The following MPZL1 variants were observed in gnomAD, a reference collection of about 807,000 sequenced individuals.
The protein encoded by MPZL1 is myelin protein zero-like protein 1.
A neutral mutation model predicts 29.3 loss-of-function variants in MPZL1; 16 were observed. The observed-to-expected ratio is 0.55, with a 90% confidence interval of 0.37 to 0.83. The LOEUF is 0.83. Ranked by LOEUF, MPZL1 falls within the 40% of genes least tolerant of loss-of-function variation. The pLI is 0.00. For synonymous variants in MPZL1, 143 were observed against 132.0 expected, an observed-to-expected ratio of 1.08 and a Z score of -0.57; for missense variants, 279 against 332.9, an observed-to-expected ratio of 0.84 and a Z score of 1.26.
Position 167,728,898 on chromosome 1 carries a change from A to G in MPZL1, c.91+6656A>G, listed in dbSNP as rs560968771. ...CTGAACAGACCTTGATGAACTTGCA[A>G]TGAACATTTTTTCATACTGGGACCC... On this transcript the variant is annotated intron_variant, in intron 1 of 5. Transcript: ENST00000359523. Among the ~76,000 whole-genome samples, 4 of 152,246 alleles carry G rather than the reference A, an allele frequency of 2.6e-5. 1 individual carries two copies. Among genetic ancestry groups the G allele is most frequent in the Admixed American group, 6.5e-5 (1 of 15,282 alleles).
At chr1:167,758,007 A>G (rs1158319904) in intron 1 of MPZL1, among the ~76,000 whole-genome samples, 1 of 152,078 alleles carries the variant, frequency 6.6e-6, no homozygotes, top group African/African-American at 2.4e-5. Context: ...TAGAAAAATT[A>G]TCTAGGCATG....
At chr1:167,785,956 C>T (rs1047240010) in intron 5 of MPZL1, among the ~76,000 whole-genome samples, 6 of 152,070 alleles carry the variant, frequency 3.9e-5, no homozygotes, top group Admixed American at 1.3e-4. Context: ...CCATGCCCGG[C>T]GAATTTTTTT....
At chr1:167,737,010 T>G (rs972245978) in intron 1 of MPZL1, among the ~76,000 whole-genome samples, 1 of 152,230 alleles carries the variant, frequency 6.6e-6, no homozygotes, top group African/African-American at 2.4e-5. Context: ...CTCTTCTGAT[T>G]ACCCTTGTCC....
intron 1 of MPZL1, among the ~76,000 whole-genome samples, chr1:167,751,974 A>G (rs1660769154): frequency 6.6e-6 from 1 of 152,298 alleles, no homozygotes; most frequent in Non-Finnish European, 1.5e-5. Context: ...TTACAACTCA[A>G]CCAAAAAGTC....
At chr1:167,784,927 GACATGAAAGACAGTACTGTCTC>G (rs1164639482) in intron 5 of MPZL1, among the ~76,000 whole-genome samples, 1 of 152,108 alleles carries the variant, frequency 6.6e-6, no homozygotes. Context: ...GTATTCTTTT[GACATGAAAGACAGTACTGTCTC>G]ACATGAAAGA....
rs1050681104 is a variant in MPZL1 at position 167,772,006 on chromosome 1, C to T, written c.259-269C>T. 2.0e-5 allele frequency among the ~76,000 whole-genome samples: 3 copies of T among 151,764 alleles called. No homozygotes were observed. The South Asian group carries it at 6.2e-4, about 32-fold the overall frequency. On this transcript the variant is annotated intron_variant, in intron 2 of 5. Coordinates refer to ENST00000359523, the MANE Select transcript of MPZL1 (RefSeq NM_003953.6). Reference sequence around the variant, plus strand: ...GGCGTGGCCGCACGTGCCTGCAATCCCAGGCAGTCGGCAGCCCGAGGCAGG... The same window carrying T: ...GGCGTGGCCGCACGTGCCTGCAATCTCAGGCAGTCGGCAGCCCGAGGCAGG...
intron 1 of MPZL1, among the ~76,000 whole-genome samples, chr1:167,755,436 C>T (rs1387075580): frequency 1.3e-5 from 2 of 152,186 alleles, no homozygotes; most frequent in African/African-American, 4.8e-5. Flanking sequence ...GCCATTTCAG[C>T]ACCTGGGAAG....
In MPZL1 at chr1:167,722,046, C is replaced by T. The variant is rs1660038860; in HGVS notation, c.-106C>T. The T allele has an allele frequency of 1.6e-6, 2 of 1,225,550 alleles. No homozygotes were observed. The highest frequency in any genetic ancestry group is 4.1e-5 in the South Asian group (1 of 24,154). The allele number at this position is 1,225,550 out of a possible 1,614,324, so 75.9% of individuals were successfully genotyped here. A position where few individuals can be genotyped will look rare whatever the true frequency, so the allele number is the denominator to read the frequency against. On this transcript the variant is annotated 5_prime_UTR_variant, in exon 1 of 6. Transcript: ENST00000359523. ...CGCGGCGTGGAGGTGCCACCCGGCG[C>T]GGGTGGCGGAGAGATCAGAAGCCTC... is the stretch of plus-strand genomic sequence containing the variant.
chr1:167,759,386 A>T (rs4656556), intron 1 of MPZL1, among the ~76,000 whole-genome samples: 1 of 152,152 alleles, frequency 6.6e-6, no homozygotes, highest in Admixed American at 6.6e-5. Flanking sequence ...CTAGTCATTT[A>T]AAAAAAGGCA....
chr1:167,768,158 C>T (rs557033084), intron 2 of MPZL1, among the ~76,000 whole-genome samples: 3 of 152,310 alleles, frequency 2.0e-5, no homozygotes, highest in Admixed American at 2.0e-4. Flanking sequence ...AGCTCTTTCA[C>T]CTTGCCACTG....
At chr1:167,753,848 T>C in intron 1 of MPZL1, among the ~76,000 whole-genome samples, 1 of 152,128 alleles carries the variant, frequency 6.6e-6, no homozygotes, top group African/African-American at 2.4e-5. Context: ...CAGGTTGGTC[T>C]CGAACTCCTG....
chr1:167,756,871 G>A (rs1341640616), intron 1 of MPZL1, among the ~76,000 whole-genome samples: 1 of 152,028 alleles, frequency 6.6e-6, no homozygotes, highest in Non-Finnish European at 1.5e-5. Flanking sequence ...ATTTAAGTGG[G>A]GTGTGAGGAG....
chr1:167,770,604 C>T (rs1429656487), intron 2 of MPZL1, among the ~76,000 whole-genome samples: 1 of 152,228 alleles, frequency 6.6e-6, no homozygotes, highest in Non-Finnish European at 1.5e-5. Flanking sequence ...ATTAGCTGAT[C>T]TGAGATATTT....
chr1:167,765,476 C>A, intron 1 of MPZL1, 107 bp from the exon 2 acceptor site: 2 of 841,610 alleles, frequency 2.4e-6, no homozygotes, highest in Non-Finnish European at 3.6e-6. Context: ...CAGTGAATTA[C>A]TGTATATATC....
In MPZL1 at chr1:167,765,662, C is replaced by G; in HGVS notation, c.171C>G (p.Thr57=). ...CAAATGGTACACAAGGGAAGCTGAC[C>G]TGCAAGTTCAAGTCTACTAGTACGA... ...FVANGTQGKL[T]CKFKSTSTTG... The change falls in exon 2 of 6, where the codon ACC becomes ACG. Residue 57 remains threonine (T), a synonymous_variant. Transcript: ENST00000359523. 3.7e-6 allele frequency: 6 copies of G among 1,613,690 alleles called. No homozygotes were observed. The highest frequency in any genetic ancestry group is 4.2e-6 in the Non-Finnish European group (5 of 1,179,714).
rs114432338 is a variant in MPZL1, at chr1:167,783,205, A to G, written c.709-4615A>G. On this transcript the variant is annotated intron_variant, in intron 5 of 5. Transcript: ENST00000359523. The stretch of plus-strand genomic sequence containing the variant: ...GGAAGGTAGGGTCATCTACCTGAGC[A>G]AAGGGAGAGTAAAGACCAGAACCAA... Among the ~76,000 whole-genome samples the G allele has an allele frequency of 7.0e-3, 1,067 of 152,302 alleles. 11 individuals carry two copies. Among genetic ancestry groups the G allele is most frequent in the African/African-American group, 0.024 (1,015 of 41,550 alleles).
At chr1:167,783,889 T>C (rs932997287) in intron 5 of MPZL1, among the ~76,000 whole-genome samples, 1 of 152,220 alleles carries the variant, frequency 6.6e-6, no homozygotes, top group African/African-American at 2.4e-5. Context: ...CTGTCAGTAG[T>C]CAATGAGCAC....
intron 1 of MPZL1, among the ~76,000 whole-genome samples, chr1:167,743,230 G>A (rs951848231): frequency 6.8e-5 from 10 of 147,382 alleles, no homozygotes; most frequent in African/African-American, 2.5e-4. Context: ...TTTTTTCTTC[G>A]AGACAGAGTC....
chr1:167,732,967 G>C (rs1005278394), intron 1 of MPZL1, among the ~76,000 whole-genome samples: 2 of 152,194 alleles, frequency 1.3e-5, no homozygotes, highest in African/African-American at 4.8e-5. Context: ...ATGCTACTTT[G>C]GACTCAGCCT....
Sources: gnomAD v4.1 joint callset for allele counts (sites outside exome capture counted in the v4.1 genomes callset) on GRCh38, gnomAD v4.1.1 for gene constraint, MANE v1.5 for transcripts, NCBI Gene and HGNC (gene_info 2026-07-23, HGNC 2026-07-21) for gene names.